GAB2: variants seen among roughly 807,000 people sequenced by gnomAD.
The protein encoded by GAB2 is GRB2 associated binding protein 2, also known as GRB2-associated-binding protein 2.
In GAB2, 26 loss-of-function variants were observed where a neutral mutation model predicts 65.5. The observed-to-expected ratio is 0.40, with a 90% CI of 0.29 to 0.55. GAB2 has a LOEUF of 0.55. Ranked by LOEUF, GAB2 falls within the 20% of genes least tolerant of loss-of-function variation. GAB2 has a pLI of 0.53. For synonymous variants in GAB2, 321 were observed against 329.6 expected, an observed-to-expected ratio of 0.97 and a Z score of 0.28; for missense variants, 884 against 875.8, an observed-to-expected ratio of 1.01 and a Z score of -0.12.
At chr11:78,353,808 G>C (rs1304279895) in intron 1 of GAB2, among the ~76,000 whole-genome samples, 1 of 152,154 alleles carries the variant, frequency 6.6e-6, no homozygotes, top group Non-Finnish European at 1.5e-5. Flanking sequence ...AATGACTACT[G>C]TATTGGACAG....
chr11:78,241,856 T>A (rs550047298), intron 3 of GAB2, among the ~76,000 whole-genome samples: 1 of 152,178 alleles, frequency 6.6e-6, no homozygotes, highest in Non-Finnish European at 1.5e-5. Flanking sequence ...AATATAATCA[T>A]AGTTGGAGAC....
chr11:78,263,504 G>GCA (rs1590977795), intron 2 of GAB2, among the ~76,000 whole-genome samples: 2 of 152,052 alleles, frequency 1.3e-5, no homozygotes, highest in East Asian at 1.9e-4. Context: ...ATGGTGGTGG[G>GCA]TGCCTGTAGT....
intron 1 of GAB2, among the ~76,000 whole-genome samples, chr11:78,373,064 T>G (rs536291774): frequency 1.1e-3 from 174 of 152,232 alleles, no homozygotes; most frequent in African/African-American, 3.9e-3. Context: ...AAGGGAATCT[T>G]GGTAGATACA....
chr11:78,272,485 T>C (rs549403534), intron 2 of GAB2, among the ~76,000 whole-genome samples: 1 of 152,158 alleles, frequency 6.6e-6, no homozygotes, highest in Non-Finnish European at 1.5e-5. Flanking sequence ...CCCTAGAGAT[T>C]TGTGGAACTT....
chr11:78,220,506 A>G (rs933105576), intron 8 of GAB2, 62 bp from the exon 9 acceptor site: 7 of 1,447,772 alleles, frequency 4.8e-6, no homozygotes, highest in Non-Finnish European at 6.6e-6. Context: ...ACCACCCAGA[A>G]AAACACCTCT....
intron 2 of GAB2, among the ~76,000 whole-genome samples, chr11:78,273,919 T>A (rs1440460675): frequency 6.6e-6 from 1 of 152,156 alleles, no homozygotes; most frequent in African/African-American, 2.4e-5. Context: ...GCCACTGATA[T>A]AAGACATGAC....
chr11:78,332,710 C>T (rs529987451), intron 1 of GAB2, among the ~76,000 whole-genome samples: 1 of 152,260 alleles, frequency 6.6e-6, no homozygotes, highest in African/African-American at 2.4e-5. Flanking sequence ...CAAATCATAG[C>T]TCTGGCTTGA....
At chr11:78,345,183 G>A (rs1229988348) in intron 1 of GAB2, among the ~76,000 whole-genome samples, 1 of 152,172 alleles carries the variant, frequency 6.6e-6, no homozygotes, top group Non-Finnish European at 1.5e-5. Context: ...CGAAGCTGAG[G>A]TAGGAGGATT....
chr11:78,383,015 G>A (rs1017649973), intron 1 of GAB2, among the ~76,000 whole-genome samples: 4 of 152,202 alleles, frequency 2.6e-5, no homozygotes, highest in African/African-American at 9.6e-5. Flanking sequence ...GCTCACGCCT[G>A]TAATCCTGGC....
At chr11:78,415,460 ACC>A (rs1315269593) in intron 1 of GAB2, among the ~76,000 whole-genome samples, 3 of 152,330 alleles carry the variant, frequency 2.0e-5, no homozygotes, top group Non-Finnish European at 4.4e-5. Flanking sequence ...AATTCTGAAT[ACC>A]CCAAAAGAAA....
chr11:78,301,522 G>A (rs966814824), intron 1 of GAB2, among the ~76,000 whole-genome samples: 2 of 152,108 alleles, frequency 1.3e-5, no homozygotes, highest in Admixed American at 6.5e-5. Context: ...TTTTTAAGAC[G>A]TGGTTTCACT....
chr11:78,273,159 C>T (rs1001423837), intron 2 of GAB2, among the ~76,000 whole-genome samples: 3 of 152,246 alleles, frequency 2.0e-5, no homozygotes, highest in Admixed American at 6.5e-5. Flanking sequence ...AGCCCCCACA[C>T]AGAGTCCCTT....
At chr11:78,296,945 C>CA in intron 1 of GAB2, among the ~76,000 whole-genome samples, 1 of 152,270 alleles carries the variant, frequency 6.6e-6, no homozygotes, top group East Asian at 1.9e-4. Context: ...TTTGTAAGGG[C>CA]AAAAATCCCC....
intron 1 of GAB2, among the ~76,000 whole-genome samples, chr11:78,298,183 G>A (rs1437738625): frequency 2.6e-5 from 4 of 152,146 alleles, no homozygotes. Context: ...GACCAGGGCA[G>A]TGGCAAAAGG....
At chr11:78,273,854 A>C (rs1448088345) in intron 2 of GAB2, among the ~76,000 whole-genome samples, 2 of 152,124 alleles carry the variant, frequency 1.3e-5, no homozygotes, top group Non-Finnish European at 2.9e-5. Context: ...TTCTCATGAT[A>C]CCTGACGGTT....
At chr11:78,236,777 T>G (rs904969519) in intron 3 of GAB2, among the ~76,000 whole-genome samples, 15 of 134 alleles carry the variant, frequency 0.11, no homozygotes, top group African/African-American at 0.39. Context: ...CTTTGATTGT[T>G]TTTTTTTTGA....
chr11:78,297,971 G>C (rs1866886853), intron 1 of GAB2, among the ~76,000 whole-genome samples: 1 of 152,090 alleles, frequency 6.6e-6, no homozygotes, highest in African/African-American at 2.4e-5. Flanking sequence ...TAAGAGAAAA[G>C]ATACAGGGAA....
chr11:78,262,653 G>T (rs1250733778), intron 2 of GAB2, among the ~76,000 whole-genome samples: 7 of 152,092 alleles, frequency 4.6e-5, no homozygotes, highest in Non-Finnish European at 1.0e-4. Context: ...TAATCTCCTG[G>T]TTTCACATCT....
At chr11:78,275,432 A>G (rs900334993) in intron 2 of GAB2, among the ~76,000 whole-genome samples, 1 of 148,840 alleles carries the variant, frequency 6.7e-6, no homozygotes, top group Non-Finnish European at 1.5e-5. Context: ...CCCAATTCTC[A>G]GTTAAAAAAA....
Sources: gnomAD v4.1 joint callset for allele counts (sites outside exome capture counted in the v4.1 genomes callset) on GRCh38, gnomAD v4.1.1 for gene constraint, MANE v1.5 for transcripts, NCBI Gene and HGNC (gene_info 2026-07-23, HGNC 2026-07-21) for gene names.